The following PTPRD variants were observed in gnomAD, a reference collection of about 807,000 sequenced individuals.
PTPRD encodes protein tyrosine phosphatase receptor type D.
In PTPRD, 34 loss-of-function variants were observed where a neutral mutation model predicts 214.5. The observed-to-expected ratio is 0.16, with a 90% CI of 0.12 to 0.21. PTPRD has a LOEUF of 0.21. PTPRD is among the 10% of genes least tolerant of loss of function. The pLI is 1.00. For missense variants in PTPRD, 2,545 were observed against 2,398.7 expected (o/e 1.06, Z -1.27); for synonymous variants, 1,128 against 845.7 (o/e 1.33, Z -5.79).
chr9:9,024,290 T>C (rs1356828957), intron 10 of PTPRD, among the ~76,000 whole-genome samples: 1 of 151,200 alleles, frequency 6.6e-6, no homozygotes, highest in Non-Finnish European at 1.5e-5. Flanking sequence ...ATTTTATGGA[T>C]GAAACATAAT....
At chr9:9,905,291 C>CTT (rs1231138386) in intron 5 of PTPRD, among the ~76,000 whole-genome samples, 5 of 151,682 alleles carry the variant, frequency 3.3e-5, no homozygotes, top group African/African-American at 1.2e-4. Flanking sequence ...AGTCAGGGTT[C>CTT]TTTTTTTAAT....
intron 11 of PTPRD, among the ~76,000 whole-genome samples, chr9:8,970,081 T>G (rs2099227480): frequency 6.6e-6 from 1 of 151,840 alleles, no homozygotes; most frequent in African/African-American, 2.4e-5. Flanking sequence ...ATTTTAAAAC[T>G]AAAGGGTATG....
intron 10 of PTPRD, among the ~76,000 whole-genome samples, chr9:9,138,922 C>G (rs1293146837): frequency 6.6e-6 from 1 of 151,858 alleles, no homozygotes; most frequent in Non-Finnish European, 1.5e-5. Context: ...TTATAACTAC[C>G]CTAGACACTA....
At chr9:9,349,757 G>T (rs886419108) in intron 9 of PTPRD, among the ~76,000 whole-genome samples, 30 of 147,282 alleles carry the variant, frequency 2.0e-4, no homozygotes, top group African/African-American at 6.4e-4. Flanking sequence ...CCCATCACAT[G>T]TTTTTTTTTT....
chr9:10,462,170 G>T (rs368706877), intron 2 of PTPRD, among the ~76,000 whole-genome samples: 40 of 151,862 alleles, frequency 2.6e-4, no homozygotes, highest in African/African-American at 8.9e-4. Flanking sequence ...TGTCACAAGG[G>T]GGCAAAAATA....
At chr9:9,422,145 C>G (rs939079220) in intron 8 of PTPRD, among the ~76,000 whole-genome samples, 2 of 151,966 alleles carry the variant, frequency 1.3e-5, no homozygotes, top group East Asian at 3.9e-4. Context: ...TTGTATGCAT[C>G]GCTTTGTTCA....
At chr9:9,236,045 C>A (rs531489521) in intron 9 of PTPRD, among the ~76,000 whole-genome samples, 1 of 152,172 alleles carries the variant, frequency 6.6e-6, no homozygotes, top group East Asian at 1.9e-4. Flanking sequence ...AGGTGGATCA[C>A]CTGAGGTCAG....
At chr9:10,073,929 C>G (rs891672471) in intron 3 of PTPRD, among the ~76,000 whole-genome samples, 10 of 152,012 alleles carry the variant, frequency 6.6e-5, no homozygotes, top group African/African-American at 2.4e-4. Flanking sequence ...ACTGACATAA[C>G]TTTTGAAACC....
chr9:9,433,964 G>A (rs1217702954), intron 8 of PTPRD, among the ~76,000 whole-genome samples: 2 of 152,072 alleles, frequency 1.3e-5, no homozygotes, highest in Admixed American at 6.6e-5. Context: ...TTTTTAACAT[G>A]ATTCAGCTAA....
intron 12 of PTPRD, among the ~76,000 whole-genome samples, chr9:8,697,415 TA>T (rs2097941068): frequency 7.4e-6 from 1 of 135,870 alleles, no homozygotes; most frequent in Non-Finnish European, 1.6e-5. Flanking sequence ...TATTTTTATG[TA>T]CTTTTTTTTT....
intron 10 of PTPRD, among the ~76,000 whole-genome samples, chr9:9,042,145 T>C (rs2154384212): frequency 6.6e-6 from 1 of 152,320 alleles, no homozygotes. Context: ...TATGTATTCT[T>C]ATACACTGGT....
chr9:9,566,808 A>G (rs951482328), intron 8 of PTPRD, among the ~76,000 whole-genome samples: 1 of 152,038 alleles, frequency 6.6e-6, no homozygotes, highest in Non-Finnish European at 1.5e-5. Context: ...TCTTCGGCCT[A>G]TCTTACTTTC....
chr9:9,319,901 C>G (rs1965548946), intron 9 of PTPRD, among the ~76,000 whole-genome samples: 1 of 152,076 alleles, frequency 6.6e-6, no homozygotes, highest in African/African-American at 2.4e-5. Context: ...AATTAAGTAA[C>G]TGCATGGTTA....
chr9:9,841,600 T>G (rs76260107), intron 5 of PTPRD, among the ~76,000 whole-genome samples: 1 of 152,176 alleles, frequency 6.6e-6, no homozygotes, highest in African/African-American at 2.4e-5. Context: ...AGAAAGCATT[T>G]GTTTCATTTC....
At chr9:9,859,968 C>G (rs1033092908) in intron 5 of PTPRD, among the ~76,000 whole-genome samples, 5 of 152,176 alleles carry the variant, frequency 3.3e-5, no homozygotes, top group East Asian at 1.9e-4. Context: ...AAGTGTTTAT[C>G]ACAAGATCTC....
chr9:8,430,658 T>C (rs2094983785), intron 35 of PTPRD, among the ~76,000 whole-genome samples: 1 of 152,100 alleles, frequency 6.6e-6, no homozygotes, highest in Non-Finnish European at 1.5e-5. Context: ...GGGTAGTACC[T>C]ATAATTCTAC....
chr9:9,532,053 T>C (rs2075594470), intron 8 of PTPRD, among the ~76,000 whole-genome samples: 1 of 151,954 alleles, frequency 6.6e-6, no homozygotes, highest in Non-Finnish European at 1.5e-5. Flanking sequence ...CCATATTAAA[T>C]GGTAAAAATA....
At chr9:9,255,659 T>C (rs1331689344) in intron 9 of PTPRD, among the ~76,000 whole-genome samples, 1 of 152,066 alleles carries the variant, frequency 6.6e-6, no homozygotes, top group Non-Finnish European at 1.5e-5. Flanking sequence ...ATGAGTTTTA[T>C]TGGCACAGAT....
At chr9:9,598,564 C>T (rs7861092) in intron 7 of PTPRD, among the ~76,000 whole-genome samples, 7,982 of 152,090 alleles carry the variant, frequency 0.052, 234 homozygotes, top group Middle Eastern at 0.099. Flanking sequence ...GAAGCAACTA[C>T]TATAGACCTA....
Sources: allele counts gnomAD v4.1 joint callset (sites outside exome capture counted in the v4.1 genomes callset), GRCh38; gene constraint gnomAD v4.1.1; transcripts MANE v1.5; gene names NCBI Gene and HGNC (gene_info 2026-07-23, HGNC 2026-07-21).